The following SCRN1 variants were observed in gnomAD, a reference collection of about 807,000 sequenced individuals.
SCRN1 encodes the protein secernin 1.
SCRN1 carries 19 observed loss-of-function variants against 43.3 expected under a neutral mutation model. The observed-to-expected ratio is 0.44, with a 90% confidence interval of 0.31 to 0.64. The LOEUF (loss-of-function observed/expected upper bound fraction) is 0.64. Among genes scored for constraint, SCRN1 ranks in the 30% least tolerant of loss-of-function variants. The probability of loss-of-function intolerance (pLI) is 0.09; values close to 1 mark genes in which losing one functional copy is unlikely to be tolerated. For missense variants in SCRN1, 447 were observed against 524.1 expected (o/e 0.85, Z 1.44); for synonymous variants, 183 against 188.9 (o/e 0.97, Z 0.26).
intron 2 of SCRN1, among the ~76,000 whole-genome samples, chr7:29,958,294 A>G (rs1302992258): frequency 6.6e-6 from 1 of 152,246 alleles, no homozygotes; most frequent in Non-Finnish European, 1.5e-5. Context: ...CACTTGTCTC[A>G]TGTAGATAGA....
At chr7:29,951,844 T>C (rs1390066862) in intron 3 of SCRN1, among the ~76,000 whole-genome samples, 1 of 152,244 alleles carries the variant, frequency 6.6e-6, no homozygotes, top group Non-Finnish European at 1.5e-5. Flanking sequence ...GTCATTCCCT[T>C]ATGTCTCTTT....
At chr7:29,936,534 C>T (rs752525803) in intron 6 of SCRN1, 22 bp downstream of exon 6, 52 of 1,538,774 alleles carry the variant, frequency 3.4e-5, no homozygotes, top group African/African-American at 2.6e-4. Context: ...GTTCTGCCTA[C>T]GTGACCAGGC....
chr7:29,969,215 GA>G (rs1425192664), intron 1 of SCRN1, 147 bp from the exon 2 acceptor site: 2 of 919,806 alleles, frequency 2.2e-6, no homozygotes. Context: ...GCTGGCAAAT[GA>G]AGGTGGGACG....
chr7:29,944,987 C>T (rs1199362834), intron 3 of SCRN1, among the ~76,000 whole-genome samples: 1 of 152,154 alleles, frequency 6.6e-6, no homozygotes, highest in Non-Finnish European at 1.5e-5. Flanking sequence ...TGTTCAAATG[C>T]CAGACATTAT....
chr7:29,972,712 A>G (rs1193482278), intron 1 of SCRN1, among the ~76,000 whole-genome samples: 1 of 152,212 alleles, frequency 6.6e-6, no homozygotes, highest in Non-Finnish European at 1.5e-5. Flanking sequence ...CTGAATCACC[A>G]TGTGTGCACT....
upstream of SCRN1, chr7:29,989,943 C>G (rs1789315198): frequency 3.1e-6 from 4 of 1,311,120 alleles, no homozygotes; most frequent in Admixed American, 3.6e-5. Flanking sequence ...CGCTGCTCAC[C>G]GTCGAGTAGG....
chr7:29,937,188 G>C (rs946099389), intron 5 of SCRN1, among the ~76,000 whole-genome samples: 3 of 152,230 alleles, frequency 2.0e-5, no homozygotes, highest in Non-Finnish European at 4.4e-5. Context: ...CCAAACTACA[G>C]TCTATTTCCC....
At chr7:29,925,958 A>C (rs1786937124) in intron 7 of SCRN1, among the ~76,000 whole-genome samples, 1 of 152,208 alleles carries the variant, frequency 6.6e-6, no homozygotes, top group Non-Finnish European at 1.5e-5. Flanking sequence ...ACCATTTAAA[A>C]ACTTTAAAAT....
intron 3 of SCRN1, among the ~76,000 whole-genome samples, chr7:29,948,597 G>C (rs745939648): frequency 6.6e-6 from 1 of 152,174 alleles, no homozygotes; most frequent in East Asian, 1.9e-4. Context: ...ATTATAAGAT[G>C]TTCTGAAATA....
intron 3 of SCRN1, among the ~76,000 whole-genome samples, chr7:29,944,654 C>A (rs1341853021): frequency 2.1e-5 from 3 of 141,762 alleles, no homozygotes; most frequent in Non-Finnish European, 3.1e-5. Flanking sequence ...CAGAGTGAGA[C>A]CCTGTCTCAA....
At chr7:29,930,962 G>A (rs1293273809) in intron 6 of SCRN1, among the ~76,000 whole-genome samples, 7 of 152,122 alleles carry the variant, frequency 4.6e-5, no homozygotes, top group African/African-American at 9.7e-5. Context: ...CAGCTCTCAC[G>A]AAGACAAATC....
chr7:29,989,718 C>T lies in SCRN1; in HGVS notation c.-78G>A, dbSNP rs933475564. On this transcript the variant is annotated 5_prime_UTR_variant, in exon 1 of 8. Coordinates refer to ENST00000242059, the MANE Select transcript of SCRN1 (RefSeq NM_014766.5). ...CGGCCGCCGAGGGTGCGGGTGCTGC[C>T]GGGTCCGGATTACTGCGGCGACCTC... 1 of 985,918 alleles carries T rather than the reference C, an allele frequency of 1.0e-6. No homozygotes were observed. The highest frequency in any genetic ancestry group is 1.2e-6 in the Non-Finnish European group (1 of 830,476). 61.1% of individuals were successfully genotyped at this position (985,918 alleles called of 1,614,324 possible).
chr7:29,940,726 T>C lies in SCRN1; in HGVS notation c.695A>G (p.His232Arg). The C allele has an allele frequency of 6.2e-7, 1 of 1,606,590 alleles. No homozygotes were observed. The highest frequency in any genetic ancestry group is 8.5e-7 in the Non-Finnish European group (1 of 1,177,950). The part of the protein sequence containing the change: ...FSEVFSPVED[H>R]LDCGAGKDSL... ...GTCTTTGCCAGCACCGCAGTCTAGATGATCCTCAACTGGAGAAAAGACTTC... is the reference window on the plus strand; with the variant it reads ...GTCTTTGCCAGCACCGCAGTCTAGACGATCCTCAACTGGAGAAAAGACTTC... Residue 232 changes from histidine to arginine, a missense_variant, in exon 5 of 8, where the codon CAT becomes CGT. His to Arg is a conservative substitution (Grantham distance 29, BLOSUM62 0). Transcript: ENST00000242059.
At chr7:29,986,570 A>T (rs528259661) in intron 1 of SCRN1, among the ~76,000 whole-genome samples, 287 of 152,294 alleles carry the variant, frequency 1.9e-3, no homozygotes, top group Non-Finnish European at 3.4e-3. Flanking sequence ...GGATTTAAAA[A>T]AAAATAACTT....
intron 6 of SCRN1, among the ~76,000 whole-genome samples, chr7:29,929,892 T>C (rs906105288): frequency 6.6e-6 from 1 of 152,236 alleles, no homozygotes; most frequent in Non-Finnish European, 1.5e-5. Flanking sequence ...CTATGTGATG[T>C]AACTTTAAAC....
chr7:29,954,014 C>T (rs80257512), intron 3 of SCRN1, among the ~76,000 whole-genome samples: 1,722 of 152,250 alleles, frequency 0.011, 32 homozygotes, highest in African/African-American at 0.04. Context: ...GATTTTATTT[C>T]ATTTCACTAT....
intron 2 of SCRN1, among the ~76,000 whole-genome samples, chr7:29,964,118 T>C (rs563282683): frequency 1.4e-3 from 217 of 152,332 alleles, no homozygotes; most frequent in African/African-American, 5.0e-3. Context: ...TTGAACCACA[T>C]AAATATATGA....
intron 1 of SCRN1, among the ~76,000 whole-genome samples, chr7:29,973,096 T>C (rs1182347636): frequency 1.3e-5 from 2 of 152,118 alleles, no homozygotes; most frequent in African/African-American, 2.4e-5. Flanking sequence ...ATAAACTGAA[T>C]TAGCAAAGAG....
rs570023810 is a variant in SCRN1 at position 29,922,047 on chromosome 7, C to G, written c.*1910G>C. 4 of 152,060 alleles carry G rather than the reference C, an allele frequency of 2.6e-5. No homozygotes were observed. The highest frequency in any genetic ancestry group is 2.9e-5 in the Non-Finnish European group (2 of 68,022). 9.4% of individuals were successfully genotyped at this position (152,060 alleles called of 1,614,324 possible). On this transcript the variant is annotated 3_prime_UTR_variant, in exon 8 of 8. Transcript: ENST00000242059. ...CATCCTCGAACCTCACTTTCCCCCC[C>G]CCTTAACAGTGATAGAAAGACACTT...
Sources: gnomAD v4.1 joint callset for allele counts (sites outside exome capture counted in the v4.1 genomes callset) on GRCh38, gnomAD v4.1.1 for gene constraint, MANE v1.5 for transcripts, NCBI Gene and HGNC (gene_info 2026-07-23, HGNC 2026-07-21) for gene names.